Variants in XRCC2 observed in about 807,000 individuals in gnomAD.
XRCC2 encodes DNA repair protein XRCC2.
In XRCC2, 24 loss-of-function variants were observed where a neutral mutation model predicts 27.3. The ratio of observed to expected loss-of-function variants is 0.88; its 90% CI spans 0.64 to 1.24. The LOEUF is 1.24. Ranked by LOEUF, XRCC2 falls within the 50% of genes most tolerant of loss-of-function variation. XRCC2 has a pLI of 0.00. For missense variants in XRCC2, 321 were observed against 325.8 expected, an observed-to-expected ratio of 0.99 and a Z score of 0.11; for synonymous variants, 106 against 115.4, an observed-to-expected ratio of 0.92 and a Z score of 0.52.
At chr7:152,662,884 T>G (rs2098033921) in intron 1 of XRCC2, among the ~76,000 whole-genome samples, 1 of 152,176 alleles carries the variant, frequency 6.6e-6, no homozygotes, top group Non-Finnish European at 1.5e-5. Context: ...TATTTGCATT[T>G]TTTTAAACCA....
At chr7:152,671,446 CAAAA>C (rs769238195) in intron 1 of XRCC2, among the ~76,000 whole-genome samples, 14 of 151,968 alleles carry the variant, frequency 9.2e-5, no homozygotes, top group Non-Finnish European at 1.6e-4. Flanking sequence ...AAAATAAACT[CAAAA>C]AAGAGGTAAA....
At chr7:152,674,537 G>A (rs1171933195) in intron 1 of XRCC2, among the ~76,000 whole-genome samples, 3 of 151,230 alleles carry the variant, frequency 2.0e-5, no homozygotes, top group South Asian at 2.1e-4. Flanking sequence ...GCTTGAACCC[G>A]GGAGGCGGAA....
intron 1 of XRCC2, among the ~76,000 whole-genome samples, chr7:152,666,620 AT>A (rs35465219): frequency 0.012 from 1,739 of 142,142 alleles, 21 homozygotes; most frequent in African/African-American, 0.033. Context: ...CAGATTCTTT[AT>A]TTTTTTTTTT....
chr7:152,651,071 C>G (rs2098028331), intron 2 of XRCC2, among the ~76,000 whole-genome samples: 1 of 152,004 alleles, frequency 6.6e-6, no homozygotes, highest in Non-Finnish European at 1.5e-5. Flanking sequence ...TCCCGAGTAG[C>G]TGGGATTACA....
intron 1 of XRCC2, among the ~76,000 whole-genome samples, chr7:152,672,324 C>T (rs891735462): frequency 5.3e-5 from 8 of 152,148 alleles, no homozygotes; most frequent in African/African-American, 1.7e-4. Flanking sequence ...TATTATTTTA[C>T]AAGAAACATT....
rs1308266196 is a variant in XRCC2, at chr7:152,644,930, G to A, written c.*3712C>T. 4 of 152,160 alleles carry A rather than the reference G, an allele frequency of 2.6e-5. No individual in the cohort carries two copies. The highest frequency in any genetic ancestry group is 5.9e-5 in the Non-Finnish European group (4 of 68,028). The allele number at this position is 152,160 out of a possible 1,614,324, so 9.4% of individuals were successfully genotyped here. On this transcript the variant is annotated 3_prime_UTR_variant, in exon 3 of 3. Transcript: ENST00000359321. Reference sequence around the variant, plus strand: ...AGCCGAAGATTCATTCGATGAGTCCGATTTTTCTGAAAGAGATGATTCTGA... The same window carrying A: ...AGCCGAAGATTCATTCGATGAGTCCAATTTTTCTGAAAGAGATGATTCTGA...
At position 152,674,101 on chromosome 7, in the gene XRCC2, C is replaced by T. The variant is rs79320025; in HGVS notation, c.39+1940G>A. Among the ~76,000 whole-genome samples the T allele has an allele frequency of 9.1e-3, 1,380 of 152,176 alleles. 19 individuals are homozygous for T. Among genetic ancestry groups the T allele is most frequent in the African/African-American group, 0.03 (1,249 of 41,496 alleles). On this transcript the variant is annotated intron_variant, in intron 1 of 2. Coordinates refer to ENST00000359321, the MANE Select transcript of XRCC2 (RefSeq NM_005431.2). ...GTTAATAAAAAGGAAAATAGAGCAG[C>T]GCCAATTGCCTAGCTTCCTATTCAC...
Position 152,648,360 on chromosome 7 carries a change from T to A in XRCC2, c.*282A>T. The A allele has an allele frequency of 4.6e-6, 1 of 218,266 alleles. No individual in the cohort carries two copies. Among genetic ancestry groups the A allele is most frequent in the Non-Finnish European group, 9.0e-6 (1 of 110,522 alleles). The allele number at this position is 218,266 out of a possible 1,614,324, so 13.5% of individuals were successfully genotyped here. On this transcript the variant is annotated 3_prime_UTR_variant, in exon 3 of 3. Transcript: ENST00000359321. ...AGGCAGAGGCTGCAGCGGGCCGAGA[T>A]TGTGCCACTGCACTCCAGCAGCCTG...
intron 2 of XRCC2, among the ~76,000 whole-genome samples, chr7:152,658,838 TA>T: frequency 6.6e-6 from 1 of 152,402 alleles, no homozygotes; most frequent in South Asian, 2.1e-4. Flanking sequence ...CATTGATGGA[TA>T]CTTTTCCCCC....
intron 2 of XRCC2, among the ~76,000 whole-genome samples, chr7:152,658,916 G>C (rs2116997871): frequency 6.6e-6 from 1 of 152,328 alleles, no homozygotes; most frequent in South Asian, 2.1e-4. Flanking sequence ...ATTGTGAATA[G>C]TGCTGCTATA....
chr7:152,654,831 T>C (rs1260211746), intron 2 of XRCC2, among the ~76,000 whole-genome samples: 8 of 152,236 alleles, frequency 5.3e-5, no homozygotes, highest in Non-Finnish European at 5.9e-5. Flanking sequence ...GGGAAGACAC[T>C]GCAAACTTGC....
chr7:152,663,684 C>G (rs1211766677), intron 1 of XRCC2, among the ~76,000 whole-genome samples: 1 of 152,046 alleles, frequency 6.6e-6, no homozygotes, highest in African/African-American at 2.4e-5. Flanking sequence ...ACAAAAAATA[C>G]AAAAATTGGC....
intron 1 of XRCC2, among the ~76,000 whole-genome samples, 200 bp downstream of exon 1, chr7:152,675,841 T>C (rs555874135): frequency 6.6e-6 from 1 of 152,198 alleles, no homozygotes; most frequent in South Asian, 2.1e-4. Flanking sequence ...GACTCCAGGC[T>C]GCCCAGGGGC....
At chr7:152,669,591 C>T (rs911056251) in intron 1 of XRCC2, among the ~76,000 whole-genome samples, 11 of 151,758 alleles carry the variant, frequency 7.2e-5, no homozygotes, top group Admixed American at 2.6e-4. Flanking sequence ...TTAGTAGAGA[C>T]GGAGTTTCAC....
intron 1 of XRCC2, among the ~76,000 whole-genome samples, chr7:152,665,935 G>C (rs549457351): frequency 6.6e-6 from 1 of 152,262 alleles, no homozygotes; most frequent in African/African-American, 2.4e-5. Context: ...TTCTCTGAGA[G>C]GATGGATGTT....
At chr7:152,660,836 A>G (rs1363058482) in intron 1 of XRCC2, 54 bp from the exon 2 acceptor site, 7 of 1,445,366 alleles carry the variant, frequency 4.8e-6, no homozygotes, top group South Asian at 2.4e-5. Flanking sequence ...AAAATCCTAG[A>G]CATCTATATT....
At chr7:152,665,487 CTTTTT>C (rs66692067) in intron 1 of XRCC2, among the ~76,000 whole-genome samples, 9,474 of 84,318 alleles carry the variant, frequency 0.11, 616 homozygotes, top group Admixed American at 0.31. Flanking sequence ...TAAGACAAAC[CTTTTT>C]TTTTTTTTTT....
At position 152,660,779 on chromosome 7, in the gene XRCC2, G is replaced by A; in HGVS notation, c.43C>T (p.Leu15Phe). 1 of 1,609,482 alleles carries A rather than the reference G, an allele frequency of 6.2e-7. No homozygotes were observed. Among genetic ancestry groups the A allele is most frequent in the South Asian group, 1.1e-5 (1 of 90,076 alleles). The change falls in exon 2 of 3, where the codon CTT (leucine) becomes TTT (phenylalanine). Residue 15 changes from leucine (L) to phenylalanine (F), a missense_variant. Transcript: ENST00000359321. The part of the protein sequence containing the change: ...FHRAESGTEL[L>F]ARLEGRSSLK... ...GAACTTCTACCTTCAAGTCGGGCAA[G>A]GAGCTTATAAAAGAAGAGAGAAGGA...
intron 2 of XRCC2, among the ~76,000 whole-genome samples, chr7:152,660,292 C>T (rs542787770): frequency 1.3e-5 from 2 of 152,018 alleles, no homozygotes; most frequent in South Asian, 4.2e-4. Context: ...TCTATGAAGC[C>T]GCCACATTAA....
Sources: allele counts gnomAD v4.1 joint callset (sites outside exome capture counted in the v4.1 genomes callset), GRCh38; gene constraint gnomAD v4.1.1; transcripts MANE v1.5; gene names NCBI Gene and HGNC (gene_info 2026-07-23, HGNC 2026-07-21).